TNIP3: variants seen among roughly 807,000 people sequenced by gnomAD.
TNIP3 encodes the protein TNFAIP3-interacting protein 3.
In TNIP3, 34 loss-of-function variants were observed where a neutral mutation model predicts 54.1. The observed-to-expected ratio is 0.63, with a 90% CI of 0.48 to 0.84. The LOEUF (loss-of-function observed/expected upper bound fraction) is 0.84, where lower values mean the gene tolerates loss of function less well. Among genes scored for constraint, TNIP3 ranks in the 40% least tolerant of loss-of-function variants. TNIP3 has a pLI of 0.00. For synonymous variants in TNIP3, 134 were observed against 136.8 expected, an observed-to-expected ratio of 0.98 and a Z score of 0.14; for missense variants, 366 against 387.6, an observed-to-expected ratio of 0.94 and a Z score of 0.47.
intron 5 of TNIP3, among the ~76,000 whole-genome samples, chr4:121,153,029 A>G (rs1236939208): frequency 6.6e-6 from 1 of 152,214 alleles, no homozygotes; most frequent in Non-Finnish European, 1.5e-5. Context: ...GGGAAATACC[A>G]GTAGTATAGT....
chr4:121,207,235 T>C (rs1726239601), intron 2 of TNIP3, among the ~76,000 whole-genome samples: 1 of 152,100 alleles, frequency 6.6e-6, no homozygotes, highest in South Asian at 2.1e-4. Flanking sequence ...AAAAAAAGCC[T>C]CAAGATCAGT....
intron 1 of TNIP3, among the ~76,000 whole-genome samples, chr4:121,221,950 A>T (rs1420951208): frequency 2.6e-5 from 4 of 152,190 alleles, no homozygotes; most frequent in African/African-American, 9.7e-5. Flanking sequence ...GACTGAATCT[A>T]AAAAAGTTCC....
chr4:121,135,400 A>C (rs1230011551), intron 10 of TNIP3, among the ~76,000 whole-genome samples: 1 of 149,768 alleles, frequency 6.7e-6, no homozygotes, highest in South Asian at 2.1e-4. Context: ...CTTTTTTTTT[A>C]TTTTTTTTTA....
chr4:121,223,693 C>G (rs1727138327), intron 1 of TNIP3, among the ~76,000 whole-genome samples: 1 of 152,202 alleles, frequency 6.6e-6, no homozygotes, highest in Non-Finnish European at 1.5e-5. Flanking sequence ...GAAGCCAGAG[C>G]TGTGTCCTTG....
chr4:121,148,839 C>T (rs1729576638), intron 6 of TNIP3, among the ~76,000 whole-genome samples: 1 of 152,196 alleles, frequency 6.6e-6, no homozygotes, highest in Non-Finnish European at 1.5e-5. Flanking sequence ...GTACTTAGTA[C>T]TTGCTCAGGG....
At chr4:121,219,470 G>A (rs1467475631), upstream of TNIP3, among the ~76,000 whole-genome samples, 1 of 152,154 alleles carries the variant, frequency 6.6e-6, no homozygotes, top group East Asian at 1.9e-4. Context: ...TAAGCTGTTT[G>A]ATTGTTTAAG....
Position 121,157,221 on chromosome 4 carries a change from A to G in TNIP3, c.236T>C (p.Leu79Pro). The G allele has an allele frequency of 5.0e-6, 8 of 1,614,080 alleles. No homozygotes were observed. Among genetic ancestry groups the G allele is most frequent in the Non-Finnish European group, 6.8e-6 (8 of 1,180,022 alleles). Residue 79 changes from leucine (L) to proline (P), a missense_variant, in exon 4 of 11, where the codon CTG becomes CCG. Physicochemically the swap from Leu to Pro is moderately conservative, Grantham distance 98. Transcript: ENST00000057513. ...ERKVAELKTK[L>P]DAAERFLSTR... ...GCTGAGGAATCTTTCCGCGGCGTCC[A>G]GTTTCGTCTTCAGCTCTGCTACCTG... is the stretch of plus-strand genomic sequence containing the variant.
At chr4:121,193,511 A>G (rs980478931) in intron 2 of TNIP3, among the ~76,000 whole-genome samples, 3 of 152,196 alleles carry the variant, frequency 2.0e-5, no homozygotes, top group African/African-American at 7.2e-5. Flanking sequence ...GCCTACTGAT[A>G]AGTGTAGAGA....
chr4:121,191,364 T>C (rs999009198), intron 2 of TNIP3, among the ~76,000 whole-genome samples: 1 of 152,200 alleles, frequency 6.6e-6, no homozygotes, highest in African/African-American at 2.4e-5. Flanking sequence ...GGTGGGTTTA[T>C]TGATAAACAC....
intron 2 of TNIP3, among the ~76,000 whole-genome samples, chr4:121,215,872 T>C (rs566866913): frequency 7.1e-6 from 1 of 141,156 alleles, no homozygotes; most frequent in African/African-American, 2.7e-5. Flanking sequence ...ATGTATTAGG[T>C]GCCACATTAA....
At chr4:121,140,001 G>C (rs984590805) in intron 9 of TNIP3, among the ~76,000 whole-genome samples, 6 of 152,322 alleles carry the variant, frequency 3.9e-5, no homozygotes, top group Admixed American at 2.6e-4. Flanking sequence ...AAACTCTACT[G>C]TTATGCTGAG....
intron 2 of TNIP3, among the ~76,000 whole-genome samples, chr4:121,214,987 A>C (rs895702101): frequency 6.6e-5 from 10 of 152,226 alleles, no homozygotes; most frequent in African/African-American, 2.4e-4. Flanking sequence ...AGTGCACAGG[A>C]AAATGCTAAA....
At chr4:121,136,319 T>C (rs1299858628) in intron 10 of TNIP3, among the ~76,000 whole-genome samples, 1 of 152,176 alleles carries the variant, frequency 6.6e-6, no homozygotes, top group East Asian at 1.9e-4. Context: ...ATCTATACTT[T>C]CAGAAAATTT....
chr4:121,164,680 C>T (rs1223870087), upstream of TNIP3, among the ~76,000 whole-genome samples: 1 of 152,090 alleles, frequency 6.6e-6, no homozygotes, highest in Non-Finnish European at 1.5e-5. Context: ...CTTAATGAGT[C>T]ATACATAATT....
At position 121,132,447 on chromosome 4, in the gene TNIP3, G is replaced by T; in HGVS notation, c.*184C>A. The stretch of plus-strand genomic sequence containing the variant: ...GTATAATAACTGGCTCCTCCAATTT[G>T]ATCAGGATCTTAGCTGTCAGAAGCC... On this transcript the variant is annotated 3_prime_UTR_variant, in exon 11 of 11. Coordinates refer to ENST00000057513, the MANE Select transcript of TNIP3 (RefSeq NM_024873.6). 1.9e-6 allele frequency: 1 copy of T among 517,486 alleles called. No individual in the cohort carries two copies. Among genetic ancestry groups the T allele is most frequent in the Non-Finnish European group, 3.4e-6 (1 of 291,694 alleles). 32.1% of individuals were successfully genotyped at this position (517,486 alleles called of 1,614,324 possible).
At chr4:121,223,084 C>A (rs186692010) in intron 1 of TNIP3, among the ~76,000 whole-genome samples, 1 of 152,088 alleles carries the variant, frequency 6.6e-6, no homozygotes, top group African/African-American at 2.4e-5. Flanking sequence ...GGATTCCAGG[C>A]GCAAGCCACC....
chr4:121,161,611 A>C (rs1001904929), intron 1 of TNIP3, among the ~76,000 whole-genome samples: 1 of 152,216 alleles, frequency 6.6e-6, no homozygotes, highest in Non-Finnish European at 1.5e-5. Flanking sequence ...ATTTCATAAA[A>C]GTCATTTTGG....
At chr4:121,202,256 G>C (rs1025352078) in intron 2 of TNIP3, among the ~76,000 whole-genome samples, 8 of 152,012 alleles carry the variant, frequency 5.3e-5, no homozygotes, top group Non-Finnish European at 7.4e-5. Flanking sequence ...CAGCAATAAG[G>C]CCAAATATTT....
intron 1 of TNIP3, among the ~76,000 whole-genome samples, chr4:121,223,512 A>T (rs778306225): frequency 1.2e-4 from 19 of 152,228 alleles, no homozygotes; most frequent in Non-Finnish European, 2.6e-4. Context: ...CTATAAGAAA[A>T]TCACTTTTGC....
Sources: gnomAD v4.1 joint callset for allele counts (sites outside exome capture counted in the v4.1 genomes callset) on GRCh38, gnomAD v4.1.1 for gene constraint, MANE v1.5 for transcripts, NCBI Gene and HGNC (gene_info 2026-07-23, HGNC 2026-07-21) for gene names.